Variants in OXR1 observed in about 807,000 individuals in gnomAD.
OXR1 encodes the protein oxidation resistance protein 1.
OXR1 carries 41 observed loss-of-function variants against 104.6 expected under a neutral mutation model. The ratio of observed to expected loss-of-function variants is 0.39; its 90% CI spans 0.31 to 0.51. The LOEUF (loss-of-function observed/expected upper bound fraction) is 0.51. Among genes scored for constraint, OXR1 ranks in the 20% least tolerant of loss-of-function variants. OXR1 has a pLI of 0.77. For synonymous variants in OXR1, 348 were observed against 348.4 expected (o/e 1.00, Z 0.01); for missense variants, 955 against 1,031.9 (o/e 0.93, Z 1.02).
At position 106,703,086 on chromosome 8, in the gene OXR1, C is replaced by A; in HGVS notation, c.856C>A (p.Pro286Thr). The change falls in exon 8 of 17, where the codon CCC becomes ACC. Residue 286 changes from proline to threonine, a missense_variant. By Grantham distance (38) the Pro-to-Thr change is conservative (BLOSUM62 -1). Coordinates refer to ENST00000517566, the MANE Select transcript of OXR1 (RefSeq NM_001198533.2). ...GGATAGCAAAATAAAGGAATCTTTA[C>A]CCATGTAAGAGTGATATTTATATTC... ...ILDSKIKESL[P>T]IDIDQLSGRD... 6.2e-7 allele frequency: 1 copy of A among 1,603,952 alleles called. No homozygotes were observed. Among genetic ancestry groups the A allele is most frequent in the Non-Finnish European group, 8.5e-7 (1 of 1,171,272 alleles).
At chr8:106,631,937 G>A (rs1822721414) in intron 3 of OXR1, among the ~76,000 whole-genome samples, 1 of 152,174 alleles carries the variant, frequency 6.6e-6, no homozygotes, top group East Asian at 1.9e-4. Context: ...TCAAGATATA[G>A]TACAAAAAAT....
At chr8:106,578,161 C>T (rs1425489548) in intron 3 of OXR1, among the ~76,000 whole-genome samples, 1 of 152,128 alleles carries the variant, frequency 6.6e-6, no homozygotes, top group Non-Finnish European at 1.5e-5. Flanking sequence ...TTTAACTGTG[C>T]TTACTGTATT....
At chr8:106,301,345 A>G (rs1489652820) in intron 1 of OXR1, among the ~76,000 whole-genome samples, 1 of 140,524 alleles carries the variant, frequency 7.1e-6, no homozygotes, top group Non-Finnish European at 1.5e-5. Flanking sequence ...GAATACAACA[A>G]CTATTTAAAA....
chr8:106,686,734 A>G (rs566743874), intron 6 of OXR1, among the ~76,000 whole-genome samples: 6 of 152,336 alleles, frequency 3.9e-5, no homozygotes, highest in East Asian at 3.9e-4. Context: ...GTGGTTTACT[A>G]TGAAGCTAAA....
intron 2 of OXR1, among the ~76,000 whole-genome samples, chr8:106,491,600 A>G (rs1172427899): frequency 6.6e-6 from 1 of 152,186 alleles, no homozygotes; most frequent in Non-Finnish European, 1.5e-5. Context: ...CTAGTTTTCA[A>G]GCCTGTGAAA....
At chr8:106,415,627 C>G (rs916690314) in intron 2 of OXR1, among the ~76,000 whole-genome samples, 6 of 151,634 alleles carry the variant, frequency 4.0e-5, no homozygotes, top group Admixed American at 3.9e-4. Flanking sequence ...TCGGGAACAG[C>G]TCCTGGCAAA....
At chr8:106,360,912 A>G (rs1816216870) in intron 2 of OXR1, among the ~76,000 whole-genome samples, 2 of 152,160 alleles carry the variant, frequency 1.3e-5, no homozygotes, top group South Asian at 4.1e-4. Flanking sequence ...GGTTGGGGAA[A>G]GGAAAAGGAA....
chr8:106,720,251 T>C (rs1475346597), intron 11 of OXR1, among the ~76,000 whole-genome samples: 1 of 152,180 alleles, frequency 6.6e-6, no homozygotes, highest in Admixed American at 6.5e-5. Flanking sequence ...TTCAAACATA[T>C]CATTGCCAAG....
chr8:106,436,105 CCTTT>C (rs1819554806), intron 2 of OXR1, among the ~76,000 whole-genome samples: 2 of 141,746 alleles, frequency 1.4e-5, no homozygotes, highest in South Asian at 2.1e-4. Flanking sequence ...TGTTTATAAG[CCTTT>C]CTTCATAAAA....
intron 3 of OXR1, among the ~76,000 whole-genome samples, chr8:106,678,246 A>G (rs950501035): frequency 6.6e-6 from 1 of 152,044 alleles, no homozygotes; most frequent in African/African-American, 2.4e-5. Context: ...GATTAGGTCA[A>G]CATAAACTCT....
intron 3 of OXR1, among the ~76,000 whole-genome samples, chr8:106,641,612 C>T (rs932919135): frequency 1.3e-5 from 2 of 152,026 alleles, no homozygotes; most frequent in East Asian, 3.9e-4. Context: ...GTAGCATACC[C>T]AAAAAATCAA....
intron 2 of OXR1, among the ~76,000 whole-genome samples, chr8:106,491,985 C>CA (rs1194419071): frequency 6.6e-6 from 1 of 152,180 alleles, no homozygotes; most frequent in Admixed American, 6.5e-5. Context: ...CAGAGGTTCT[C>CA]AAACTTTCTG....
At chr8:106,363,250 G>A (rs182209985) in intron 2 of OXR1, among the ~76,000 whole-genome samples, 1 of 152,288 alleles carries the variant, frequency 6.6e-6, no homozygotes, top group East Asian at 1.9e-4. Flanking sequence ...TAAGCCAGAA[G>A]ACTGATAAGT....
At chr8:106,613,227 A>C (rs188345812) in intron 3 of OXR1, among the ~76,000 whole-genome samples, 2 of 152,334 alleles carry the variant, frequency 1.3e-5, no homozygotes, top group African/African-American at 4.8e-5. Flanking sequence ...AGATGGCTGA[A>C]TCGCCAGTAA....
intron 1 of OXR1, among the ~76,000 whole-genome samples, chr8:106,324,604 C>T (rs1251016797): frequency 6.0e-5 from 9 of 150,720 alleles, no homozygotes; most frequent in Non-Finnish European, 1.2e-4. Context: ...CTGTGTTAGT[C>T]CTTGGGTACC....
intron 2 of OXR1, among the ~76,000 whole-genome samples, chr8:106,486,788 G>C (rs1436300731): frequency 6.6e-6 from 1 of 151,728 alleles, no homozygotes; most frequent in African/African-American, 2.4e-5. Context: ...AAAATTTGTG[G>C]GTTTCCAGTA....
At chr8:106,686,124 C>T (rs1374367689) in intron 6 of OXR1, among the ~76,000 whole-genome samples, 3 of 151,934 alleles carry the variant, frequency 2.0e-5, no homozygotes, top group African/African-American at 7.3e-5. Context: ...GGGACTCAGG[C>T]AAAAGGGTGG....
chr8:106,680,725 C>A (rs560860369), intron 4 of OXR1, among the ~76,000 whole-genome samples: 1 of 152,054 alleles, frequency 6.6e-6, no homozygotes, highest in South Asian at 2.1e-4. Context: ...TGGAGTGAGA[C>A]CCAAACTTTT....
intron 11 of OXR1, among the ~76,000 whole-genome samples, chr8:106,732,293 C>T (rs534120223): frequency 6.6e-6 from 1 of 152,016 alleles, no homozygotes; most frequent in African/African-American, 2.4e-5. Context: ...TTTTTTATAC[C>T]AACAATCATG....
Sources: gnomAD v4.1 joint callset for allele counts (sites outside exome capture counted in the v4.1 genomes callset) on GRCh38, gnomAD v4.1.1 for gene constraint, MANE v1.5 for transcripts, NCBI Gene and HGNC (gene_info 2026-07-23, HGNC 2026-07-21) for gene names.